Variants in SARM1 observed in about 807,000 individuals in gnomAD.
SARM1 encodes the protein NAD(+) hydrolase SARM1.
A neutral mutation model predicts 65.1 loss-of-function variants in SARM1; 60 were observed. That is an observed-to-expected ratio of 0.92 (90% CI 0.75 to 1.14). The LOEUF (loss-of-function observed/expected upper bound fraction) is 1.14. Ranked by LOEUF, SARM1 falls within the 50% of genes most tolerant of loss-of-function variation. SARM1 has a pLI of 0.00. For synonymous variants in SARM1, 417 were observed against 465.4 expected, an observed-to-expected ratio of 0.90 and a Z score of 1.34; for missense variants, 913 against 1,015.7, an observed-to-expected ratio of 0.90 and a Z score of 1.37.
intron 7 of SARM1, among the ~76,000 whole-genome samples, chr17:28,390,198 C>T (rs562959414): frequency 3.9e-5 from 6 of 152,164 alleles, no homozygotes; most frequent in Non-Finnish European, 7.4e-5. Flanking sequence ...TTAAATTTTT[C>T]CAGTTGATAA....
At chr17:28,392,159 G>A (rs2068084082) in intron 7 of SARM1, among the ~76,000 whole-genome samples, 1 of 151,080 alleles carries the variant, frequency 6.6e-6, no homozygotes. Flanking sequence ...CCAGGTTGGA[G>A]TGCAGTGGTG....
At chr17:28,395,775 A>C (rs2068113474) in intron 7 of SARM1, 130 bp from the exon 8 acceptor site, 6 of 887,788 alleles carry the variant, frequency 6.8e-6, no homozygotes, top group Non-Finnish European at 1.1e-5. Flanking sequence ...GTAGACATCA[A>C]GGTGGACATC....
Position 28,400,265 on chromosome 17 carries a change from C to T in SARM1, c.*3979C>T, listed in dbSNP as rs1017300530. 2.4e-5 allele frequency: 7 copies of T among 297,220 alleles called. No individual in the cohort carries two copies. The highest frequency in any genetic ancestry group is 9.4e-5 in the Admixed American group (2 of 21,278). 18.4% of individuals were successfully genotyped at this position (297,220 alleles called of 1,614,324 possible). On this transcript the variant is annotated 3_prime_UTR_variant, in exon 9 of 9. Transcript: ENST00000585482. ...AAGCTAGCCTGTGGCCCAGCCACAACTAGCTGACAAAGCTTCCTGGCCTTC... is the reference window on the plus strand; with the variant it reads ...AAGCTAGCCTGTGGCCCAGCCACAATTAGCTGACAAAGCTTCCTGGCCTTC...
Position 28,400,558 on chromosome 17 carries a change from C to G in SARM1, c.*4272C>G, listed in dbSNP as rs1328204056. The G allele has an allele frequency of 6.2e-7, 1 of 1,603,260 alleles. No homozygotes were observed. Among genetic ancestry groups the G allele is most frequent in the Non-Finnish European group, 8.5e-7 (1 of 1,174,344 alleles). On this transcript the variant is annotated 3_prime_UTR_variant, in exon 9 of 9. Transcript: ENST00000585482. ...TTCTGGTTGGGAGGAGAAGAGGAAACTTTTAAGAGAAAGGGCTCCATTATG... is the reference window on the plus strand; with the variant it reads ...TTCTGGTTGGGAGGAGAAGAGGAAAGTTTTAAGAGAAAGGGCTCCATTATG...
rs1355080446 is a variant in SARM1, at chr17:28,381,443, G to T, written c.711G>T (p.Gly237=). The change falls in exon 2 of 9, where the codon GGG becomes GGT. Residue 237 remains glycine, a synonymous_variant. Transcript: ENST00000585482. ...CGCTGGGCAACTGCGCGCTGCACGG[G>T]GGCCAGGCGGTGCAGCGACGCATGG... The part of the protein sequence containing the change: ...ALALGNCALH[G]GQAVQRRMVE... 5.2e-6 allele frequency: 8 copies of T among 1,547,184 alleles called. No homozygotes were observed. In the East Asian group the frequency reaches 1.5e-4, roughly 28 times the overall value.
At chr17:28,387,307 A>G (rs567416998) in intron 5 of SARM1, among the ~76,000 whole-genome samples, 2 of 149,570 alleles carry the variant, frequency 1.3e-5, no homozygotes, top group South Asian at 4.2e-4. Context: ...TTCTTGGCTC[A>G]CTGCAACCTC....
intron 7 of SARM1, among the ~76,000 whole-genome samples, chr17:28,390,199 C>T (rs1269492017): frequency 6.6e-6 from 1 of 152,074 alleles, no homozygotes; most frequent in Non-Finnish European, 1.5e-5. Context: ...TAAATTTTTC[C>T]AGTTGATAAT....
chr17:28,380,689 G>A (rs1470452232), intron 1 of SARM1, among the ~76,000 whole-genome samples: 1 of 151,966 alleles, frequency 6.6e-6, no homozygotes, highest in Non-Finnish European at 1.5e-5. Flanking sequence ...TGCTTCAAGT[G>A]ACACTTCAAA....
intron 7 of SARM1, among the ~76,000 whole-genome samples, chr17:28,390,191 A>C (rs1208020608): frequency 2.6e-5 from 4 of 152,138 alleles, no homozygotes; most frequent in Non-Finnish European, 5.9e-5. Context: ...GTAAATTTTA[A>C]ATTTTTCCAG....
rs529921858 is a variant in SARM1, at chr17:28,388,565, G to A, written c.1923+26G>A. 96 of 1,604,304 alleles carry A rather than the reference G, an allele frequency of 6.0e-5. 4 individuals are homozygous for A. In the South Asian group the frequency reaches 1.0e-3, roughly 18 times the overall value. ...GTAGGTGCCTGCCTATGCTTCTGCG[G>A]TCCCAGCATTGGCCTGTGGTCCAGA... On this transcript the variant is annotated intron_variant, in intron 7 of 8. Transcript: ENST00000585482.
At chr17:28,378,257 G>T (rs187654061) in intron 1 of SARM1, among the ~76,000 whole-genome samples, 91 of 152,290 alleles carry the variant, frequency 6.0e-4, no homozygotes, top group Admixed American at 2.5e-3. Context: ...CCCCAGGTCC[G>T]ATCTCTTTTC....
At chr17:28,395,702 T>A in intron 7 of SARM1, 1 of 571,066 alleles carries the variant, frequency 1.8e-6, no homozygotes, top group Non-Finnish European at 3.1e-6. Context: ...TTTTAGCAGC[T>A]CTGTGCCAGG....
At position 28,384,857 on chromosome 17, in the gene SARM1, G is replaced by GC; in HGVS notation, c.1321_1322insC (p.Asp441AlafsTer28). On this transcript the variant is annotated frameshift_variant, in exon 4 of 9. Transcript: ENST00000585482. LOFTEE classifies it high-confidence loss of function. This position sits in a 1 kb window ranked among gnomAD's most constrained non-coding sequence, Gnocchi z 4.4. The stretch of plus-strand genomic sequence containing the variant: ...CCCCCAGGAGCAGCAGGTGGATGGC[G>GC]ACCTGCTTCTGCGGCTCACGGAGGA... 6.4e-7 allele frequency: 1 copy of GC among 1,554,892 alleles called. No individual in the cohort carries two copies. Among genetic ancestry groups the GC allele is most frequent in the South Asian group, 1.2e-5 (1 of 84,224 alleles).
In SARM1 at chr17:28,399,627, C is replaced by G. The variant is rs782535733; in HGVS notation, c.*3341C>G. 1 of 1,613,586 alleles carries G rather than the reference C, an allele frequency of 6.2e-7. No homozygotes were observed. Among genetic ancestry groups the G allele is most frequent in the South Asian group, 1.1e-5 (1 of 91,050 alleles). ...GTTGCTTGGTGTTCACTTTGCTCCT[C>G]TTGCCCTCTGTCTTCTGGTCCAGGC... is the stretch of plus-strand genomic sequence containing the variant. On this transcript the variant is annotated 3_prime_UTR_variant, in exon 9 of 9. Coordinates refer to ENST00000585482, the MANE Select transcript of SARM1 (RefSeq NM_015077.4).
At chr17:28,374,267 A>T (rs1343891900) in intron 1 of SARM1, 1 of 127,898 alleles carries the variant, frequency 7.8e-6, no homozygotes, top group Non-Finnish European at 1.6e-5. Flanking sequence ...TGGATGACAG[A>T]GCAAGACTCG....
Position 28,400,934 on chromosome 17 carries a change from C to T in SARM1, c.*4648C>T, listed in dbSNP as rs1555589489. 3.0e-6 allele frequency: 2 copies of T among 670,726 alleles called. No homozygotes were observed. The highest frequency in any genetic ancestry group is 5.3e-6 in the Non-Finnish European group (2 of 375,150). 41.5% of individuals were successfully genotyped at this position (670,726 alleles called of 1,614,324 possible). On this transcript the variant is annotated 3_prime_UTR_variant, in exon 9 of 9. Coordinates refer to ENST00000585482, the MANE Select transcript of SARM1 (RefSeq NM_015077.4). ...TACTGTGACAAGGATTCAGTAAGGT[C>T]ATATGTGGACAGTAGCTGGCACAGA...
In SARM1 at chr17:28,385,388, A is replaced by C; in HGVS notation, c.1630+113A>C. The C allele has an allele frequency of 1.2e-6, 1 of 813,862 alleles. No individual in the cohort carries two copies. Among genetic ancestry groups the C allele is most frequent in the Admixed American group, 2.9e-5 (1 of 34,546 alleles). The allele number at this position is 813,862 out of a possible 1,614,324, so 50.4% of individuals were successfully genotyped here. ...CAGCCTCGCCGTGGATTGATTGAGCACAAACGTGGGTCACACTGGGCTCTG... is the reference window on the plus strand; with the variant it reads ...CAGCCTCGCCGTGGATTGATTGAGCCCAAACGTGGGTCACACTGGGCTCTG... On this transcript the variant is annotated intron_variant, in intron 5 of 8. Coordinates refer to ENST00000585482, the MANE Select transcript of SARM1 (RefSeq NM_015077.4). The surrounding 1 kb of genome is among the most constrained non-coding windows in gnomAD (Gnocchi z 4.5).
chr17:28,379,787 T>C (rs1428105391), intron 1 of SARM1, among the ~76,000 whole-genome samples: 2 of 152,210 alleles, frequency 1.3e-5, no homozygotes, highest in African/African-American at 4.8e-5. Context: ...GAAGTAACAT[T>C]TGAGCAGACA....
In SARM1 at chr17:28,402,403, T is replaced by C; in HGVS notation, c.*6117T>C. On this transcript the variant is annotated 3_prime_UTR_variant, in exon 9 of 9. Coordinates refer to ENST00000585482, the MANE Select transcript of SARM1 (RefSeq NM_015077.4). Reference sequence around the variant, plus strand: ...GGAAAGGCAGCAGAGCTCCTATCCATACCCCACGTGGGGCTTAGGTTAGAC... The same window carrying C: ...GGAAAGGCAGCAGAGCTCCTATCCACACCCCACGTGGGGCTTAGGTTAGAC... 8.2e-7 allele frequency: 1 copy of C among 1,225,624 alleles called. No individual in the cohort carries two copies. Among genetic ancestry groups the C allele is most frequent in the Non-Finnish European group, 1.2e-6 (1 of 849,626 alleles). 75.9% of individuals were successfully genotyped at this position (1,225,624 alleles called of 1,614,324 possible).
Sources: allele counts gnomAD v4.1 joint callset (sites outside exome capture counted in the v4.1 genomes callset), GRCh38; gene constraint gnomAD v4.1.1; non-coding constraint Gnocchi (gnomAD v3.1); transcripts MANE v1.5; gene names NCBI Gene and HGNC (gene_info 2026-07-23, HGNC 2026-07-21).